The following ASIC2 variants were observed in gnomAD, a reference collection of about 807,000 sequenced individuals.
ASIC2 encodes the protein acid-sensing ion channel 2.
ASIC2 carries 25 observed loss-of-function variants against 57.3 expected under a neutral mutation model. The ratio of observed to expected loss-of-function variants is 0.44; its 90% CI spans 0.32 to 0.61. The LOEUF (loss-of-function observed/expected upper bound fraction) is 0.61. Ranked by LOEUF, ASIC2 falls within the 20% of genes least tolerant of loss-of-function variation. ASIC2 has a pLI of 0.06. For missense variants in ASIC2, 641 were observed against 738.1 expected (o/e 0.87, Z 1.52); for synonymous variants, 319 against 307.5 (o/e 1.04, Z -0.39).
rs558677029 is a variant in ASIC2 at position 33,882,587 on chromosome 17, C to T, written c.555+273391G>A. On this transcript the variant is annotated intron_variant, in intron 1 of 9. Coordinates refer to the ASIC2 transcript ENST00000359872. The stretch of plus-strand genomic sequence containing the variant: ...TACCATCTCACACCAGTTAGAATGG[C>T]GATCATTAAAAAGTCAGGAAACAAC... Among the ~76,000 whole-genome samples the T allele has an allele frequency of 4.8e-4, 73 of 152,190 alleles. No homozygotes were observed. The Middle Eastern group carries it at 0.02, about 43-fold the overall frequency.
intron 1 of ASIC2, among the ~76,000 whole-genome samples, chr17:33,962,639 C>T (rs967693985): frequency 6.6e-6 from 1 of 152,110 alleles, no homozygotes. Flanking sequence ...ATAACCAAGG[C>T]TCAGCTGACT....
intron 1 of ASIC2, among the ~76,000 whole-genome samples, chr17:33,490,904 A>G (rs1913734899): frequency 6.6e-6 from 1 of 152,126 alleles, no homozygotes; most frequent in Non-Finnish European, 1.5e-5. Flanking sequence ...TCTTGGTCCT[A>G]TTTTATGAAT....
intron 1 of ASIC2, among the ~76,000 whole-genome samples, chr17:33,175,359 G>C (rs1254528648): frequency 2.0e-5 from 3 of 152,136 alleles, no homozygotes; most frequent in Non-Finnish European, 4.4e-5. Context: ...TTTCCAAAAA[G>C]CAAATCCCGT....
At chr17:33,944,131 G>T (rs1364292993) in intron 1 of ASIC2, among the ~76,000 whole-genome samples, 1 of 152,148 alleles carries the variant, frequency 6.6e-6, no homozygotes, top group Non-Finnish European at 1.5e-5. Flanking sequence ...CCTGTATAAG[G>T]ACTTGCTGAT....
chr17:34,030,883 CCCA>C (rs1907582656), intron 1 of ASIC2, among the ~76,000 whole-genome samples: 1 of 152,236 alleles, frequency 6.6e-6, no homozygotes, highest in Non-Finnish European at 1.5e-5. Context: ...CTGGGTGGAG[CCCA>C]CCACAGCTCA....
At chr17:33,439,355 G>T (rs1021509650) in intron 1 of ASIC2, among the ~76,000 whole-genome samples, 3 of 152,172 alleles carry the variant, frequency 2.0e-5, no homozygotes, top group Non-Finnish European at 4.4e-5. Context: ...CATTTTGGAC[G>T]GGGGGAGGAG....
At position 33,292,294 on chromosome 17, in the gene ASIC2, G is replaced by C; in HGVS notation, c.-179C>G. 2 of 986,966 alleles carry C rather than the reference G, an allele frequency of 2.0e-6. No homozygotes were observed. The highest frequency in any genetic ancestry group is 9.4e-5 in the South Asian group (2 of 21,298). The allele number at this position is 986,966 out of a possible 1,614,324, so 61.1% of individuals were successfully genotyped here. A position where few individuals can be genotyped will look rare whatever the true frequency, so the allele number is the denominator to read the frequency against. ...ATGCCCGCCCGGCGCCGCCGCTGCC[G>C]CCTCCGCGGGCGCCCGCCCGGGGCT... On this transcript the variant is annotated 5_prime_UTR_variant, in exon 1 of 10. Transcript: ENST00000225823.
rs574390868 is a variant in ASIC2, at chr17:33,037,989, C to G, written c.988-9597G>C. 3.9e-5 allele frequency among the ~76,000 whole-genome samples: 6 copies of G among 152,268 alleles called. 1 individual carries two copies. In the South Asian group the frequency reaches 1.2e-3, roughly 32 times the overall value. On this transcript the variant is annotated intron_variant, in intron 3 of 9. Coordinates refer to ENST00000225823, the MANE Select transcript of ASIC2 (RefSeq NM_183377.2). ...AGATGACTTCCATGATCTCTTAAGC[C>G]TTTGTGTCTAATCATAGACCTTAAA...
chr17:34,121,858 A>T (rs904098275), intron 1 of ASIC2, among the ~76,000 whole-genome samples: 3 of 152,204 alleles, frequency 2.0e-5, no homozygotes, highest in Non-Finnish European at 2.9e-5. Flanking sequence ...TTGTTCACAT[A>T]ACAAACATTT....
intron 1 of ASIC2, among the ~76,000 whole-genome samples, chr17:34,139,213 T>G (rs949605995): frequency 6.6e-6 from 1 of 152,200 alleles, no homozygotes; most frequent in Non-Finnish European, 1.5e-5. Context: ...AAAACTAGCA[T>G]CTCTAGTGAA....
intron 1 of ASIC2, among the ~76,000 whole-genome samples, chr17:33,677,442 A>G (rs1408789857): frequency 6.6e-6 from 1 of 152,236 alleles, no homozygotes; most frequent in Non-Finnish European, 1.5e-5. Context: ...AATATATTTT[A>G]TAAAGCTATA....
intron 1 of ASIC2, among the ~76,000 whole-genome samples, chr17:33,959,501 T>C (rs897463450): frequency 1.6e-4 from 25 of 152,294 alleles, no homozygotes; most frequent in African/African-American, 5.8e-4. Flanking sequence ...ATCTCAAAAG[T>C]AGGGAAGCTA....
chr17:34,001,235 C>G (rs1567783541), intron 1 of ASIC2: 1 of 152,182 alleles, frequency 6.6e-6, no homozygotes, highest in African/African-American at 2.4e-5. Flanking sequence ...GCAAGTTAAT[C>G]TCTTCACCAG....
chr17:33,549,091 T>A (rs1915668822), intron 1 of ASIC2, among the ~76,000 whole-genome samples: 1 of 152,208 alleles, frequency 6.6e-6, no homozygotes, highest in Non-Finnish European at 1.5e-5. Flanking sequence ...GCTGGAACTG[T>A]ATGTTTCCTT....
intron 1 of ASIC2, among the ~76,000 whole-genome samples, chr17:33,817,646 C>T (rs146184159): frequency 9.3e-4 from 142 of 152,262 alleles, no homozygotes; most frequent in Middle Eastern, 3.4e-3. Flanking sequence ...ATGGTTGCTA[C>T]GGCTGTTTAT....
chr17:33,766,702 A>T lies in ASIC2; in HGVS notation c.555+389276T>A, dbSNP rs150827276. Among the ~76,000 whole-genome samples the T allele has an allele frequency of 9.0e-3, 1,366 of 152,342 alleles. 18 individuals carry two copies. The highest frequency in any genetic ancestry group is 0.031 in the African/African-American group (1,301 of 41,570). On this transcript the variant is annotated intron_variant, in intron 1 of 9. Transcript: ENST00000359872. ...GGAGATGATTCTTAGCCAAATCAGAAGAAAAATAACAGTTAAAATGAAGCT... is the reference window on the plus strand; with the variant it reads ...GGAGATGATTCTTAGCCAAATCAGATGAAAAATAACAGTTAAAATGAAGCT...
At chr17:33,773,928 A>G (rs1410271004) in intron 1 of ASIC2, among the ~76,000 whole-genome samples, 2 of 151,924 alleles carry the variant, frequency 1.3e-5, no homozygotes, top group African/African-American at 4.8e-5. Context: ...CAGCCTCCCA[A>G]AGTGTTGGGA....
At chr17:34,051,099 G>A (rs1029498661) in intron 1 of ASIC2, among the ~76,000 whole-genome samples, 2 of 152,178 alleles carry the variant, frequency 1.3e-5, no homozygotes, top group Non-Finnish European at 2.9e-5. Context: ...GTGTAGGTTG[G>A]TTTGTCCAGA....
chr17:34,132,450 G>A (rs565100968), intron 1 of ASIC2, among the ~76,000 whole-genome samples: 129 of 152,150 alleles, frequency 8.5e-4, no homozygotes, highest in Middle Eastern at 3.4e-3. Context: ...ATTTGTCTCC[G>A]CCCATGTTCT....
Sources: allele counts gnomAD v4.1 joint callset (sites outside exome capture counted in the v4.1 genomes callset), GRCh38; gene constraint gnomAD v4.1.1; transcripts MANE v1.5; gene names NCBI Gene and HGNC (gene_info 2026-07-23, HGNC 2026-07-21).